The following COL17A1 variants were observed in gnomAD, a reference collection of about 807,000 sequenced individuals.
The protein encoded by COL17A1 is collagen alpha-1(XVII) chain.
In COL17A1, 181 loss-of-function variants were observed where a neutral mutation model predicts 218.4. The ratio of observed to expected loss-of-function variants is 0.83; its 90% CI spans 0.73 to 0.94. COL17A1 has a LOEUF of 0.94. COL17A1 is among the 40% of genes least tolerant of loss of function. COL17A1 has a pLI of 0.00. For synonymous variants in COL17A1, 721 were observed against 731.0 expected (o/e 0.99, Z 0.22); for missense variants, 1,924 against 1,945.9 (o/e 0.99, Z 0.21).
At chr10:104,043,074 T>C (rs2086376068) in intron 35 of COL17A1, among the ~76,000 whole-genome samples, 1 of 152,206 alleles carries the variant, frequency 6.6e-6, no homozygotes, top group African/African-American at 2.4e-5. Context: ...TTTCTTCAAA[T>C]AGATACCTAG....
At chr10:104,061,561 C>G (rs1407407236) in intron 12 of COL17A1, 88 bp from the exon 13 acceptor site, 1 of 1,068,936 alleles carries the variant, frequency 9.4e-7, no homozygotes, top group Non-Finnish European at 1.4e-6. Context: ...GAGGTACCCC[C>G]GACCCTCTCC....
Position 104,034,346 on chromosome 10 carries a change from G to A in COL17A1, c.3767-12C>T, listed in dbSNP as rs1218200737. On this transcript the variant is annotated splice_polypyrimidine_tract_variant and intron_variant, in intron 51 of 55. Transcript: ENST00000648076. ...GCGCACATCAGGACCTGCAGGGTGA[G>A]AAGCTGCATGAGTGGGAGCTCAGAT... 6.5e-7 allele frequency: 1 copy of A among 1,544,478 alleles called. No homozygotes were observed. Among genetic ancestry groups the A allele is most frequent in the Non-Finnish European group, 8.7e-7 (1 of 1,151,748 alleles).
chr10:104,084,490 G>A (rs112968371), intron 1 of COL17A1, among the ~76,000 whole-genome samples: 5 of 151,992 alleles, frequency 3.3e-5, no homozygotes, highest in African/African-American at 1.2e-4. Context: ...TTGTATTTTT[G>A]TATTTTTAGT....
At chr10:104,034,973 C>T (rs2086261013) in intron 50 of COL17A1, among the ~76,000 whole-genome samples, 1 of 152,174 alleles carries the variant, frequency 6.6e-6, no homozygotes, top group African/African-American at 2.4e-5. Context: ...CAGGCTCTCC[C>T]ACTCCCAATT....
At chr10:104,083,546 C>G (rs534092611) in intron 1 of COL17A1, among the ~76,000 whole-genome samples, 4 of 152,276 alleles carry the variant, frequency 2.6e-5, no homozygotes, top group African/African-American at 9.6e-5. Flanking sequence ...CTTTTCTAGG[C>G]AAGAAGACAC....
chr10:104,071,733 G>T (rs1050332700), intron 8 of COL17A1, among the ~76,000 whole-genome samples: 5 of 152,092 alleles, frequency 3.3e-5, no homozygotes, highest in African/African-American at 1.2e-4. Context: ...CTGCCGTGGA[G>T]CTGCTCCTCC....
At position 104,055,942 on chromosome 10, in the gene COL17A1, T is replaced by C. The variant is rs2134618224; in HGVS notation, c.1527A>G (p.Ile509Met). ...VDELERIRRS[I>M]LPYGDSMDRI... Reference sequence around the variant, plus strand: ...TATCCATGCTGTCCCCATAGGGCAGTATGCTCCTCCTGATCCTCTCCAGCT... The same window carrying C: ...TATCCATGCTGTCCCCATAGGGCAGCATGCTCCTCCTGATCCTCTCCAGCT... The change falls in exon 18 of 56, where the codon ATA (isoleucine) becomes ATG (methionine). Residue 509 changes from isoleucine to methionine, a missense_variant. Coordinates refer to ENST00000648076, the MANE Select transcript of COL17A1 (RefSeq NM_000494.4). 1.2e-6 allele frequency: 2 copies of C among 1,614,142 alleles called. No individual in the cohort carries two copies. The highest frequency in any genetic ancestry group is 1.7e-6 in the Non-Finnish European group (2 of 1,180,026).
Position 104,042,726 on chromosome 10 carries a change from C to A in COL17A1, c.2516-271G>T, listed in dbSNP as rs1217088496. Among the ~76,000 whole-genome samples the A allele has an allele frequency of 2.0e-5, 3 of 152,238 alleles. No homozygotes were observed. In the East Asian group the frequency reaches 5.8e-4, roughly 29 times the overall value. On this transcript the variant is annotated intron_variant, in intron 35 of 55. Coordinates refer to ENST00000648076, the MANE Select transcript of COL17A1 (RefSeq NM_000494.4). ...TTCTACATGCCTCTATGTACTCCTT[C>A]TCACTGGAGCTTGTCAGGAGGGAAG...
Position 104,034,187 on chromosome 10 carries a change from C to T in COL17A1, c.3914G>A (p.Ser1305Asn). 1.2e-6 allele frequency: 2 copies of T among 1,613,384 alleles called. No individual in the cohort carries two copies. The change falls in exon 52 of 56, where the codon AGC becomes AAC. Residue 1305 changes from serine (S) to asparagine (N), a missense_variant. Ser to Asn is a conservative substitution (Grantham distance 46). Transcript: ENST00000648076. ...TGTGCTCATGGAAGAGCTGTAGGAG[C>T]TGCCCCGCCTGACAGATGAGCTGTG... ...SSHSSSVRRGSSYSSSMSTGG... is the reference protein window; with the variant it reads ...SSHSSSVRRGNSYSSSMSTGG...
At chr10:104,062,947 C>T (rs1010384364) in intron 11 of COL17A1, among the ~76,000 whole-genome samples, 1 of 152,222 alleles carries the variant, frequency 6.6e-6, no homozygotes, top group Admixed American at 6.5e-5. Flanking sequence ...TATCAGCCCA[C>T]CTTCCCTTGG....
chr10:104,032,022 A>G lies in COL17A1; in HGVS notation c.*213T>C, dbSNP rs999502114. 18 of 611,390 alleles carry G rather than the reference A, an allele frequency of 2.9e-5. No individual in the cohort carries two copies. Among genetic ancestry groups the G allele is most frequent in the Non-Finnish European group, 5.0e-5 (17 of 342,508 alleles). The allele number at this position is 611,390 out of a possible 1,614,324, so 37.9% of individuals were successfully genotyped here. ...TCTAAAACATTGCAACTACTGTTAGAGTCCACCCCATGAAGCTGTTTCAGA... is the reference window on the plus strand; with the variant it reads ...TCTAAAACATTGCAACTACTGTTAGGGTCCACCCCATGAAGCTGTTTCAGA... On this transcript the variant is annotated 3_prime_UTR_variant, in exon 56 of 56. Transcript: ENST00000648076.
chr10:104,041,378 G>C (rs971870203), intron 37 of COL17A1, 34 bp from the exon 38 acceptor site: 4 of 1,607,292 alleles, frequency 2.5e-6, no homozygotes, highest in Non-Finnish European at 2.5e-6. Context: ...GCCATGCTGA[G>C]CTCAGGGAGC....
chr10:104,059,446 C>T (rs754640833), intron 15 of COL17A1, 192 bp downstream of exon 15: 2 of 636,142 alleles, frequency 3.1e-6, no homozygotes, highest in Non-Finnish European at 2.9e-6. Flanking sequence ...ACCTAGGAAG[C>T]TTGTTGAACT....
chr10:104,082,459 C>G (rs2086773308), intron 1 of COL17A1, among the ~76,000 whole-genome samples: 1 of 152,172 alleles, frequency 6.6e-6, no homozygotes, highest in Non-Finnish European at 1.5e-5. Flanking sequence ...GATCAGGAGG[C>G]ATTTGGGGAG....
chr10:104,047,945 T>C, intron 30 of COL17A1, 124 bp downstream of exon 30: 1 of 1,388,642 alleles, frequency 7.2e-7, no homozygotes, highest in Admixed American at 1.7e-5. Flanking sequence ...GGAACAGAAC[T>C]GGACACTGCA....
At chr10:104,040,444 C>A in intron 39 of COL17A1, 34 bp from the exon 40 acceptor site, 1 of 1,468,858 alleles carries the variant, frequency 6.8e-7, no homozygotes, top group Non-Finnish European at 9.5e-7. Flanking sequence ...AGTATGGACA[C>A]TGATGTTTGT....
chr10:104,045,570 G>A lies in COL17A1; in HGVS notation c.2398+188C>T, dbSNP rs77584565. 0.098 allele frequency among the ~76,000 whole-genome samples: 14,861 copies of A among 152,016 alleles called. 917 individuals carry two copies. The highest frequency in any genetic ancestry group is 0.13 in the Non-Finnish European group (8,550 of 67,982). On this transcript the variant is annotated intron_variant, in intron 33 of 55. Transcript: ENST00000648076. ...TGGGGTGGGGAGGTGTTTGGGGAGGGGTGGGGCTTGAGGACTGGGCTTGGT... is the reference window on the plus strand; with the variant it reads ...TGGGGTGGGGAGGTGTTTGGGGAGGAGTGGGGCTTGAGGACTGGGCTTGGT...
In COL17A1 at chr10:104,077,457, C is replaced by T. The variant is rs1394179595; in HGVS notation, c.167G>A (p.Ser56Asn). Residue 56 changes from serine (S) to asparagine (N), a missense_variant, in exon 4 of 56, where the codon AGC becomes AAC. Ser to Asn is a conservative substitution (Grantham distance 46). Coordinates refer to ENST00000648076, the MANE Select transcript of COL17A1 (RefSeq NM_000494.4). ...GTAGCCGCTGCTGCCATGAGTCAGG[C>T]TTTGTTTCTCCAGCCGGCTCCCTCC... Reference protein sequence around the residue: ...LGGGSRLEKQSLTHGSSGYIN... With the variant: ...LGGGSRLEKQNLTHGSSGYIN... 1.2e-6 allele frequency: 2 copies of T among 1,613,586 alleles called. No individual in the cohort carries two copies. The highest frequency in any genetic ancestry group is 8.5e-7 in the Non-Finnish European group (1 of 1,179,870).
chr10:104,061,381 C>G, intron 13 of COL17A1, 24 bp downstream of exon 13: 1 of 1,610,480 alleles, frequency 6.2e-7, no homozygotes, highest in Non-Finnish European at 8.5e-7. Context: ...AGCCTGAACC[C>G]TGGCAGCTGG....
Sources: allele counts gnomAD v4.1 joint callset (sites outside exome capture counted in the v4.1 genomes callset), GRCh38; gene constraint gnomAD v4.1.1; transcripts MANE v1.5; gene names NCBI Gene and HGNC (gene_info 2026-07-23, HGNC 2026-07-21).